PSMC5: variants seen among roughly 807,000 people sequenced by gnomAD.
PSMC5 encodes the protein 26S proteasome regulatory subunit 8.
In PSMC5, 11 loss-of-function variants were observed where a neutral mutation model predicts 49.1. The ratio of observed to expected loss-of-function variants is 0.22; its 90% CI spans 0.14 to 0.37. The LOEUF is 0.37. Among genes scored for constraint, PSMC5 ranks in the 10% least tolerant of loss-of-function variants. The pLI is 1.00. For missense variants in PSMC5, 229 were observed against 520.9 expected, an observed-to-expected ratio of 0.44 and a Z score of 5.45; for synonymous variants, 206 against 192.2, an observed-to-expected ratio of 1.07 and a Z score of -0.59.
chr17:63,829,678 G>A, intron 3 of PSMC5, 115 bp downstream of exon 3: 1 of 1,248,900 alleles, frequency 8.0e-7, no homozygotes, highest in Non-Finnish European at 1.1e-6. Flanking sequence ...TCATCATCTA[G>A]TAGTTTCACA....
intron 3 of PSMC5, 94 bp downstream of exon 3, chr17:63,829,657 T>C: frequency 7.4e-7 from 1 of 1,350,126 alleles, no homozygotes; most frequent in Admixed American, 2.0e-5. Flanking sequence ...GTGCTTACTG[T>C]TTTCTCCCTG....
rs1291547079 is a variant in PSMC5 at position 63,831,064 on chromosome 17, C to T, written c.708C>T (p.Val236=). ...CAAGAATGGTGAGGGAGCTGTTTGT[C>T]ATGGCACGGGAACATGCTCCATCTA... ...EGARMVRELF[V]MAREHAPSII... The change falls in exon 8 of 12, where the codon GTC becomes GTT. Residue 236 remains valine (V), a synonymous_variant. Coordinates refer to ENST00000310144, the MANE Select transcript of PSMC5 (RefSeq NM_002805.6). This position sits in a 1 kb window ranked among gnomAD's most constrained non-coding sequence, Gnocchi z 6.3. 1 of 1,569,084 alleles carries T rather than the reference C, an allele frequency of 6.4e-7. No individual in the cohort carries two copies. Among genetic ancestry groups the T allele is most frequent in the Non-Finnish European group, 8.6e-7 (1 of 1,156,308 alleles).
At position 63,830,189 on chromosome 17, in the gene PSMC5, T is replaced by C. The variant is rs765514437; in HGVS notation, c.321T>C (p.Asp107=). Residue 107 remains aspartate (D), a splice_region_variant and synonymous_variant, in exon 5 of 12, where the codon GAT becomes GAC. Coordinates refer to ENST00000310144, the MANE Select transcript of PSMC5 (RefSeq NM_002805.6). This position sits in a 1 kb window ranked among gnomAD's most constrained non-coding sequence, Gnocchi z 4.0. The part of the protein sequence containing the change: ...VDVDKNIDIN[D]VTPNCRVALR... ...TGGACAAAAACATTGACATCAATGATGTGAGTGTAGCAGGTGAGGTGGTGG... is the reference window on the plus strand; with the variant it reads ...TGGACAAAAACATTGACATCAATGACGTGAGTGTAGCAGGTGAGGTGGTGG... The C allele has an allele frequency of 8.1e-6, 13 of 1,614,070 alleles. No individual in the cohort carries two copies. The African/African-American group carries it at 1.7e-4, about 22-fold the overall frequency.
In PSMC5 at chr17:63,831,459, C is replaced by G; in HGVS notation, c.969+34C>G. 2 of 1,612,680 alleles carry G rather than the reference C, an allele frequency of 1.2e-6. No homozygotes were observed. Among genetic ancestry groups the G allele is most frequent in the South Asian group, 2.2e-5 (2 of 91,060 alleles). ...TGGACACTGTGCAAAGTGGCTCTGG[C>G]TGTGGGGGTGGGGTGTGGGGCTCAG... is the stretch of plus-strand genomic sequence containing the variant. On this transcript the variant is annotated intron_variant, in intron 9 of 11. Coordinates refer to ENST00000310144, the MANE Select transcript of PSMC5 (RefSeq NM_002805.6). This position sits in a 1 kb window ranked among gnomAD's most constrained non-coding sequence, Gnocchi z 6.3.
chr17:63,828,494 G>A, intron 2 of PSMC5: 1 of 306,228 alleles, frequency 3.3e-6, no homozygotes, highest in South Asian at 5.5e-5. Context: ...CCTTTTGGAA[G>A]AAGCCCGAAT....
In PSMC5 at chr17:63,827,472, T is replaced by G. The variant is rs1423344903; in HGVS notation, c.-19T>G. On this transcript the variant is annotated 5_prime_UTR_variant, in exon 1 of 12. Coordinates refer to ENST00000310144, the MANE Select transcript of PSMC5 (RefSeq NM_002805.6). ...GCCAAGACGGCTCGGATGCCGGCGGTCTCTGCTGAAGAGAGAAGATGGCGC... is the reference window on the plus strand; with the variant it reads ...GCCAAGACGGCTCGGATGCCGGCGGGCTCTGCTGAAGAGAGAAGATGGCGC... 1 of 1,551,650 alleles carries G rather than the reference T, an allele frequency of 6.4e-7. No individual in the cohort carries two copies.
At chr17:63,829,761 TA>T in intron 3 of PSMC5, 90 bp from the exon 4 acceptor site, 1 of 1,408,448 alleles carries the variant, frequency 7.1e-7, no homozygotes, top group Non-Finnish European at 1.0e-6. Context: ...CTTCCTTTAA[TA>T]AGAGTGATGC....
Position 63,829,878 on chromosome 17 carries a change from C to G in PSMC5, c.193C>G (p.Leu65Val). ...TCGCCTATTGCGGGAGGAGCTACAG[C>G]TGCTGCAGGAGCAGGGCTCCTATGT... ...KVRLLREELQ[L>V]LQEQGSYVGE... Residue 65 changes from leucine to valine, a missense_variant, in exon 4 of 12, where the codon CTG becomes GTG. Leu to Val is a conservative substitution (Grantham distance 32). Coordinates refer to ENST00000310144, the MANE Select transcript of PSMC5 (RefSeq NM_002805.6). The G allele has an allele frequency of 6.2e-7, 1 of 1,614,126 alleles. No homozygotes were observed. The highest frequency in any genetic ancestry group is 8.5e-7 in the Non-Finnish European group (1 of 1,179,998).
chr17:63,827,971 G>T, intron 1 of PSMC5, 167 bp from the exon 2 acceptor site: 1 of 1,292,264 alleles, frequency 7.7e-7, no homozygotes. Context: ...AAAATGGAGG[G>T]TTCCAAGGGA....
At chr17:63,829,157 T>C (rs1274252677) in intron 2 of PSMC5, 2 of 280,336 alleles carry the variant, frequency 7.1e-6, no homozygotes, top group Non-Finnish European at 1.4e-5. Flanking sequence ...GGGCTAGAAC[T>C]CAGGTTTCTC....
Position 63,829,622 on chromosome 17 carries a change from C to T in PSMC5, c.166+59C>T, listed in dbSNP as rs141116102. ...CAGTTTGTCTGAGGTCTGTCCTTAT[C>T]TCCCTGCACTGTGTCTTCACAGCAG... is the stretch of plus-strand genomic sequence containing the variant. On this transcript the variant is annotated intron_variant, in intron 3 of 11. Coordinates refer to ENST00000310144, the MANE Select transcript of PSMC5 (RefSeq NM_002805.6). The T allele has an allele frequency of 4.7e-6, 7 of 1,483,934 alleles. No individual in the cohort carries two copies. In the Admixed American group the frequency reaches 1.2e-4, roughly 25 times the overall value. 91.9% of individuals were successfully genotyped at this position (1,483,934 alleles called of 1,614,324 possible).
In PSMC5 at chr17:63,831,691, G is replaced by A; in HGVS notation, c.1081-33G>A. ...TCAAGGGCCACAGATGAGGGGCACAGCAGTGGGGCCTCAATTTCCTTTTCC... is the reference window on the plus strand; with the variant it reads ...TCAAGGGCCACAGATGAGGGGCACAACAGTGGGGCCTCAATTTCCTTTTCC... On this transcript the variant is annotated intron_variant, in intron 10 of 11. Coordinates refer to ENST00000310144, the MANE Select transcript of PSMC5 (RefSeq NM_002805.6). This position sits in a 1 kb window ranked among gnomAD's most constrained non-coding sequence, Gnocchi z 6.3. 1 of 1,613,548 alleles carries A rather than the reference G, an allele frequency of 6.2e-7. No homozygotes were observed. Among genetic ancestry groups the A allele is most frequent in the Non-Finnish European group, 8.5e-7 (1 of 1,179,434 alleles).
rs749268798 is a variant in PSMC5, at chr17:63,830,541, T to C, written c.552+40T>C. 7 of 1,605,298 alleles carry C rather than the reference T, an allele frequency of 4.4e-6. No individual in the cohort carries two copies. Among genetic ancestry groups the C allele is most frequent in the Non-Finnish European group, 5.9e-6 (7 of 1,176,526 alleles). On this transcript the variant is annotated intron_variant, in intron 6 of 11. Coordinates refer to ENST00000310144, the MANE Select transcript of PSMC5 (RefSeq NM_002805.6). The surrounding 1 kb of genome is among the most constrained non-coding windows in gnomAD (Gnocchi z 4.0). Reference sequence around the variant, plus strand: ...TTCTCTGAGAGGGCCAAGCTGTACTTACTCCTCCTGCCCCAGCCAGCCCTA... The same window carrying C: ...TTCTCTGAGAGGGCCAAGCTGTACTCACTCCTCCTGCCCCAGCCAGCCCTA...
At position 63,831,006 on chromosome 17, in the gene PSMC5, C is replaced by T. The variant is rs974333172; in HGVS notation, c.680-30C>T. ...GTTAGAGAGCTAATAAGCTAATAAG[C>T]TCCCTAACACCAGCTCGGCCTCCAC... On this transcript the variant is annotated intron_variant, in intron 7 of 11. Transcript: ENST00000310144. The surrounding 1 kb of genome is among the most constrained non-coding windows in gnomAD (Gnocchi z 6.3). The T allele has an allele frequency of 3.7e-6, 6 of 1,602,406 alleles. No individual in the cohort carries two copies. The highest frequency in any genetic ancestry group is 3.4e-5 in the Admixed American group (2 of 59,322).
chr17:63,829,423 T>G, intron 2 of PSMC5, 71 bp from the exon 3 acceptor site: 2 of 1,418,952 alleles, frequency 1.4e-6, no homozygotes, highest in Non-Finnish European at 1.9e-6. Flanking sequence ...ACCTGTGAGG[T>G]CTTGGCCAAG....
At chr17:63,828,343 C>A in intron 2 of PSMC5, 134 bp downstream of exon 2, 1 of 829,980 alleles carries the variant, frequency 1.2e-6, no homozygotes. Flanking sequence ...TGTTTCTTAG[C>A]TAGTAGGGTG....
chr17:63,831,824 T>C lies in PSMC5; in HGVS notation c.1167+14T>C. The C allele has an allele frequency of 6.2e-7, 1 of 1,614,034 alleles. No homozygotes were observed. Reference sequence around the variant, plus strand: ...GCAGTAGCCAAGGTATAGGCCTCCATCTTTGTGCCTTTGCCAGTGGTGGCT... The same window carrying C: ...GCAGTAGCCAAGGTATAGGCCTCCACCTTTGTGCCTTTGCCAGTGGTGGCT... On this transcript the variant is annotated intron_variant, in intron 11 of 11. Coordinates refer to ENST00000310144, the MANE Select transcript of PSMC5 (RefSeq NM_002805.6). The surrounding 1 kb of genome is among the most constrained non-coding windows in gnomAD (Gnocchi z 6.3).
At chr17:63,829,643 A>G in intron 3 of PSMC5, 80 bp downstream of exon 3, 2 of 1,390,858 alleles carry the variant, frequency 1.4e-6, no homozygotes, top group Non-Finnish European at 2.0e-6. Flanking sequence ...GTGTCTTCAC[A>G]GCAGTGCTTA....
At position 63,831,597 on chromosome 17, in the gene PSMC5, C is replaced by T; in HGVS notation, c.1061C>T (p.Ala354Val). 2 of 1,614,110 alleles carry T rather than the reference C, an allele frequency of 1.2e-6. No homozygotes were observed. The highest frequency in any genetic ancestry group is 1.7e-6 in the Non-Finnish European group (2 of 1,180,022). Reference sequence around the variant, plus strand: ...AAAATTGCTGAGCTCATGCCAGGAGCATCAGGGGCTGAAGTGAAGGTAATT... The same window carrying T: ...AAAATTGCTGAGCTCATGCCAGGAGTATCAGGGGCTGAAGTGAAGGTAATT... ...LRKIAELMPG[A>V]SGAEVKGVCT... is the part of the protein sequence containing the mutation. Residue 354 changes from alanine to valine, a missense_variant, in exon 10 of 12, where the codon GCA (alanine) becomes GTA (valine). Coordinates refer to ENST00000310144, the MANE Select transcript of PSMC5 (RefSeq NM_002805.6). The surrounding 1 kb of genome is among the most constrained non-coding windows in gnomAD (Gnocchi z 6.3).
Sources: gnomAD v4.1 joint callset for allele counts on GRCh38, gnomAD v4.1.1 for gene constraint, Gnocchi (gnomAD v3.1) non-coding constraint, MANE v1.5 for transcripts, NCBI Gene and HGNC (gene_info 2026-07-23, HGNC 2026-07-21) for gene names.